The following RFC3 variants were observed in gnomAD, a reference collection of about 807,000 sequenced individuals.
The protein encoded by RFC3 is replication factor C subunit 3.
RFC3 carries 41 observed loss-of-function variants against 45.1 expected under a neutral mutation model. That is an observed-to-expected ratio of 0.91 (90% CI 0.71 to 1.18). The LOEUF is 1.18. Ranked by LOEUF, RFC3 falls within the 50% of genes most tolerant of loss-of-function variation. The probability of loss-of-function intolerance (pLI) is 0.00; values close to 1 mark genes in which losing one functional copy is unlikely to be tolerated. For missense variants in RFC3, 423 were observed against 428.1 expected, an observed-to-expected ratio of 0.99 and a Z score of 0.10; for synonymous variants, 149 against 144.0, an observed-to-expected ratio of 1.03 and a Z score of -0.25.
chr13:33,829,639 A>T (rs932690629), intron 4 of RFC3, 197 bp from the exon 5 acceptor site: 15 of 593,148 alleles, frequency 2.5e-5, no homozygotes, highest in Non-Finnish European at 3.3e-5. Context: ...TCTGAAGAGA[A>T]ACTGGAGTAT....
At chr13:33,908,315 A>C (rs1036622528) in intron 8 of RFC3, among the ~76,000 whole-genome samples, 10 of 152,014 alleles carry the variant, frequency 6.6e-5, no homozygotes, top group Non-Finnish European at 8.8e-5. Flanking sequence ...CATCACACTG[A>C]GGAGCCATAG....
chr13:33,973,117 C>G, the RFC3 span, among the ~76,000 whole-genome samples: 1 of 152,042 alleles, frequency 6.6e-6, no homozygotes, highest in African/African-American at 2.4e-5. Context: ...AGAGCAAAGA[C>G]AACACATATC....
intron 3 of RFC3, among the ~76,000 whole-genome samples, chr13:33,824,350 T>G (rs1048750136): frequency 6.6e-6 from 1 of 152,144 alleles, no homozygotes; most frequent in East Asian, 1.9e-4. Flanking sequence ...GAAATTGACT[T>G]TGGGTTGCCA....
At chr13:33,881,537 G>A (rs1460551154) in intron 8 of RFC3, among the ~76,000 whole-genome samples, 1 of 151,574 alleles carries the variant, frequency 6.6e-6, no homozygotes, top group Non-Finnish European at 1.5e-5. Context: ...CTCAGGCCTC[G>A]CAATTCCTTG....
chr13:33,899,432 ATATAAT>A (rs1226191413), intron 8 of RFC3, among the ~76,000 whole-genome samples: 2 of 151,696 alleles, frequency 1.3e-5, no homozygotes, highest in Non-Finnish European at 3.0e-5. Flanking sequence ...GATTTAAAAA[ATATAAT>A]TATTTCAATA....
rs537581342 is a variant in RFC3 at position 33,906,235 on chromosome 13, T to C, written c.880-59852T>C. 7.2e-5 allele frequency among the ~76,000 whole-genome samples: 11 copies of C among 152,044 alleles called. 1 individual carries two copies. Among genetic ancestry groups the C allele is most frequent in the Non-Finnish European group, 1.6e-4 (11 of 67,940 alleles). On this transcript the variant is annotated intron_variant, in intron 8 of 8. Coordinates refer to the RFC3 transcript ENST00000434425. ...ACCTGTGAATCTAAATTGGAAGTCATTCTGTAGTGTGTGATTCTTATTTAT... is the reference window on the plus strand; with the variant it reads ...ACCTGTGAATCTAAATTGGAAGTCACTCTGTAGTGTGTGATTCTTATTTAT...
chr13:33,934,387 C>A (rs1453902945), intron 8 of RFC3, among the ~76,000 whole-genome samples: 2 of 151,914 alleles, frequency 1.3e-5, no homozygotes, highest in African/African-American at 4.8e-5. Context: ...GTGATAAGGG[C>A]ACATGATGAG....
chr13:33,977,177 C>A, the RFC3 span, among the ~76,000 whole-genome samples: 668 of 152,174 alleles, frequency 4.4e-3, 6 homozygotes, highest in African/African-American at 0.016. Context: ...TAAGGCAACA[C>A]GGTGACTAAT....
At chr13:33,829,313 A>G (rs992683248) in intron 4 of RFC3, among the ~76,000 whole-genome samples, 3 of 152,308 alleles carry the variant, frequency 2.0e-5, no homozygotes, top group African/African-American at 7.2e-5. Context: ...TCCAAAGTCT[A>G]TTCCTTGGAA....
At chr13:33,854,556 C>A (rs9538972) in intron 8 of RFC3, among the ~76,000 whole-genome samples, 118,618 of 152,080 alleles carry the variant, frequency 0.78, 48,310 homozygotes, top group Non-Finnish European at 0.92. Context: ...ATGAAGAAGT[C>A]TTTCCTAGCA....
At chr13:33,895,249 A>G (rs1439568058) in intron 8 of RFC3, among the ~76,000 whole-genome samples, 1 of 152,262 alleles carries the variant, frequency 6.6e-6, no homozygotes, top group African/African-American at 2.4e-5. Flanking sequence ...CAAAGTATAT[A>G]TCTGACACAG....
At chr13:33,897,605 C>G (rs1041785524) in intron 8 of RFC3, among the ~76,000 whole-genome samples, 3 of 151,838 alleles carry the variant, frequency 2.0e-5, no homozygotes, top group Non-Finnish European at 2.9e-5. Context: ...AATGAATTCT[C>G]CAATTAAAAG....
chr13:33,973,591 ACTCCTT>A, the RFC3 span, among the ~76,000 whole-genome samples: 2,913 of 148,308 alleles, frequency 0.02, 52 homozygotes, highest in African/African-American at 0.054. Flanking sequence ...GTCATTTTCA[ACTCCTT>A]CTCCTTCTCC....
chr13:33,844,012 G>T (rs1219246478), intron 8 of RFC3, among the ~76,000 whole-genome samples: 2 of 151,944 alleles, frequency 1.3e-5, no homozygotes, highest in African/African-American at 4.8e-5. Flanking sequence ...CATCTTGTTG[G>T]GTTTGTTCTA....
downstream of RFC3, among the ~76,000 whole-genome samples, chr13:33,970,643 A>G (rs567397558): frequency 6.6e-6 from 1 of 152,374 alleles, no homozygotes; most frequent in Admixed American, 6.5e-5. Context: ...GGGAAAGGGA[A>G]AAGAGGCAGT....
downstream of RFC3, among the ~76,000 whole-genome samples, chr13:33,842,435 G>C (rs372794919): frequency 6.6e-6 from 1 of 152,198 alleles, no homozygotes; most frequent in Non-Finnish European, 1.5e-5. Flanking sequence ...GATCCAGACT[G>C]TATCTGCTAC....
downstream of RFC3, among the ~76,000 whole-genome samples, chr13:33,968,449 A>G (rs1302039564): frequency 2.6e-5 from 4 of 152,210 alleles, no homozygotes; most frequent in African/African-American, 4.8e-5. Flanking sequence ...TTACAAATGT[A>G]GCTGAGAACA....
intron 8 of RFC3, among the ~76,000 whole-genome samples, chr13:33,960,171 A>G (rs1447991695): frequency 6.6e-6 from 1 of 152,178 alleles, no homozygotes; most frequent in Non-Finnish European, 1.5e-5. Context: ...TCAACATGGG[A>G]TCTGGGTGGA....
chr13:33,834,751 T>C (rs1003012582), intron 7 of RFC3, among the ~76,000 whole-genome samples: 1 of 152,166 alleles, frequency 6.6e-6, no homozygotes. Flanking sequence ...TTACTTGACA[T>C]GTCATTAAAG....
Sources: allele counts gnomAD v4.1 joint callset (sites outside exome capture counted in the v4.1 genomes callset), GRCh38; gene constraint gnomAD v4.1.1; transcripts MANE v1.5; gene names NCBI Gene and HGNC (gene_info 2026-07-23, HGNC 2026-07-21).